The following GALNT13 variants were observed in gnomAD, a reference collection of about 807,000 sequenced individuals.
GALNT13 encodes polypeptide N-acetylgalactosaminyltransferase 13, also known as UDP-GalNAc:polypeptide N-acetylgalactosaminyltransferase 13.
A neutral mutation model predicts 64.2 loss-of-function variants in GALNT13; 28 were observed. The ratio of observed to expected loss-of-function variants is 0.44; its 90% CI spans 0.32 to 0.60. GALNT13 has a LOEUF of 0.60. Among genes scored for constraint, GALNT13 ranks in the 20% least tolerant of loss-of-function variants. The pLI, the probability that GALNT13 is intolerant of heterozygous loss-of-function variation, is 0.05. For synonymous variants in GALNT13, 214 were observed against 224.6 expected, an observed-to-expected ratio of 0.95 and a Z score of 0.42; for missense variants, 577 against 669.8, an observed-to-expected ratio of 0.86 and a Z score of 1.53.
intron 8 of GALNT13, among the ~76,000 whole-genome samples, chr2:154,279,009 T>C (rs1394630477): frequency 3.9e-5 from 6 of 152,016 alleles, no homozygotes; most frequent in African/African-American, 1.4e-4. Flanking sequence ...AAATATGCGG[T>C]GATATCTAAA....
the GALNT13 span, among the ~76,000 whole-genome samples, chr2:153,097,580 A>G: frequency 6.6e-6 from 1 of 152,226 alleles, no homozygotes; most frequent in East Asian, 1.9e-4. Context: ...GTAACTTATT[A>G]TAAACAACAT....
intron 7 of GALNT13, among the ~76,000 whole-genome samples, chr2:154,254,608 T>C (rs978944708): frequency 6.8e-6 from 1 of 147,474 alleles, no homozygotes; most frequent in African/African-American, 2.4e-5. Context: ...ATTTTGGAAA[T>C]AATTGAATTA....
At chr2:154,133,649 T>C (rs1682779960) in intron 3 of GALNT13, among the ~76,000 whole-genome samples, 1 of 148,666 alleles carries the variant, frequency 6.7e-6, no homozygotes, top group South Asian at 2.1e-4. Flanking sequence ...AGTCTTTTGA[T>C]AATAGAACTA....
At chr2:153,865,523 A>C in the GALNT13 span, among the ~76,000 whole-genome samples, 1 of 114,828 alleles carries the variant, frequency 8.7e-6, no homozygotes, top group African/African-American at 3.4e-5. Flanking sequence ...CACTTCTCAA[A>C]AGAAGACATT....
chr2:153,827,997 T>C, the GALNT13 span, among the ~76,000 whole-genome samples: 1 of 152,276 alleles, frequency 6.6e-6, no homozygotes, highest in South Asian at 2.1e-4. Context: ...AAATCTTAAA[T>C]CTCCAAAAGA....
the GALNT13 span, among the ~76,000 whole-genome samples, chr2:153,813,495 T>C: frequency 3.3e-5 from 5 of 151,424 alleles, no homozygotes; most frequent in Non-Finnish European, 7.4e-5. Flanking sequence ...TTATGAGTTA[T>C]GGAGAGGGTG....
At chr2:153,941,549 G>T (rs1691342294) in intron 2 of GALNT13, among the ~76,000 whole-genome samples, 1 of 152,128 alleles carries the variant, frequency 6.6e-6, no homozygotes, top group Non-Finnish European at 1.5e-5. Flanking sequence ...ATAAGTAGGG[G>T]TTTCCTGGAA....
chr2:153,237,781 T>C, the GALNT13 span, among the ~76,000 whole-genome samples: 4 of 152,136 alleles, frequency 2.6e-5, no homozygotes. Flanking sequence ...AGAATAGTGC[T>C]GCAACAAACA....
the GALNT13 span, among the ~76,000 whole-genome samples, chr2:153,460,300 A>C: frequency 6.6e-6 from 1 of 152,146 alleles, no homozygotes; most frequent in African/African-American, 2.4e-5. Flanking sequence ...CCTGTATGTT[A>C]TGTAACAACA....
the GALNT13 span, among the ~76,000 whole-genome samples, chr2:153,301,368 C>A: frequency 1.4e-4 from 21 of 145,704 alleles, no homozygotes; most frequent in Admixed American, 1.4e-3. Flanking sequence ...CCCATGAACA[C>A]CTAGTTCCTT....
chr2:154,016,684 G>T (rs939594186), intron 3 of GALNT13, among the ~76,000 whole-genome samples: 2 of 152,138 alleles, frequency 1.3e-5, no homozygotes, highest in African/African-American at 4.8e-5. Context: ...CAAAAATGCT[G>T]GGATTACAGG....
the GALNT13 span, among the ~76,000 whole-genome samples, chr2:153,569,621 G>A: frequency 3.3e-5 from 5 of 151,896 alleles, no homozygotes; most frequent in Non-Finnish European, 7.4e-5. Flanking sequence ...CATGTAATAT[G>A]AAATAATCAC....
chr2:154,313,225 T>C (rs185054712), intron 9 of GALNT13, among the ~76,000 whole-genome samples: 60 of 148,870 alleles, frequency 4.0e-4, no homozygotes, highest in Non-Finnish European at 7.6e-4. Flanking sequence ...ACACACACAC[T>C]ATATATATAT....
the GALNT13 span, among the ~76,000 whole-genome samples, chr2:153,207,032 AT>A: frequency 6.6e-6 from 1 of 152,092 alleles, no homozygotes; most frequent in African/African-American, 2.4e-5. Context: ...ATTCAATATA[AT>A]TGTCAGACAA....
At chr2:153,403,872 C>A in the GALNT13 span, among the ~76,000 whole-genome samples, 1 of 152,182 alleles carries the variant, frequency 6.6e-6, no homozygotes, top group African/African-American at 2.4e-5. Flanking sequence ...GATGGAAATG[C>A]AGAAATCACC....
chr2:153,592,140 C>T, the GALNT13 span, among the ~76,000 whole-genome samples: 9 of 152,064 alleles, frequency 5.9e-5, no homozygotes, highest in Admixed American at 2.6e-4. Context: ...AATGAGATAT[C>T]GTCTTACAAC....
chr2:153,910,144 G>T (rs1688842708), intron 2 of GALNT13, among the ~76,000 whole-genome samples: 1 of 151,576 alleles, frequency 6.6e-6, no homozygotes, highest in African/African-American at 2.4e-5. Context: ...CATGGATTCA[G>T]TTTCTTCCTG....
intron 1 of GALNT13, among the ~76,000 whole-genome samples, chr2:153,896,281 T>C (rs1687891411): frequency 6.6e-6 from 1 of 150,974 alleles, no homozygotes; most frequent in East Asian, 2.0e-4. Flanking sequence ...TTTCTGACTA[T>C]AATATAATGT....
intron 3 of GALNT13, among the ~76,000 whole-genome samples, chr2:153,958,607 A>G (rs1692735075): frequency 6.6e-6 from 1 of 152,176 alleles, no homozygotes; most frequent in East Asian, 1.9e-4. Context: ...TGTTGCACCC[A>G]TGTCTAGTAA....
Sources: allele counts gnomAD v4.1 joint callset (sites outside exome capture counted in the v4.1 genomes callset), GRCh38; gene constraint gnomAD v4.1.1; transcripts MANE v1.5; gene names NCBI Gene and HGNC (gene_info 2026-07-23, HGNC 2026-07-21).